Variants in HYCC1 observed in about 807,000 individuals in gnomAD.
HYCC1 encodes hyccin PI4KA lipid kinase complex subunit 1.
chr7:22,932,481 T>C, the HYCC1 span, among the ~76,000 whole-genome samples: 3 of 152,162 alleles, frequency 2.0e-5, no homozygotes, highest in African/African-American at 7.2e-5. Context: ...CCCTTTTTGA[T>C]TGGAAATATC....
chr7:22,960,277 C>T, the HYCC1 span: 2 of 1,613,688 alleles, frequency 1.2e-6, no homozygotes, highest in Middle Eastern at 1.7e-4. Flanking sequence ...CACCTATGAC[C>T]CCTTATTGAC....
chr7:23,002,162 A>ATATACAAT, the HYCC1 span, among the ~76,000 whole-genome samples: 861 of 35,456 alleles, frequency 0.024, 17 homozygotes, highest in African/African-American at 0.085. Context: ...ATATATATAT[A>ATATACAAT]TATATATATA....
At chr7:22,944,283 G>A in the HYCC1 span, 1 of 152,098 alleles carries the variant, frequency 6.6e-6, no homozygotes, top group Non-Finnish European at 1.5e-5. Context: ...TGCTTTACAG[G>A]GGAACCGCAA....
the HYCC1 span, among the ~76,000 whole-genome samples, chr7:23,002,158 A>AAT: frequency 1.8e-5 from 1 of 54,212 alleles, no homozygotes; most frequent in African/African-American, 6.3e-5. Context: ...ATATATATAT[A>AAT]TATATATATA....
chr7:22,975,249 C>T, the HYCC1 span, among the ~76,000 whole-genome samples: 8 of 151,804 alleles, frequency 5.3e-5, no homozygotes, highest in Non-Finnish European at 2.9e-5. Context: ...ATTCACATTA[C>T]CAAAAATTTA....
the HYCC1 span, chr7:22,941,649 A>T: frequency 6.6e-6 from 1 of 152,142 alleles, no homozygotes; most frequent in East Asian, 1.9e-4. Context: ...AAAACACAAA[A>T]ACATCTCCCA....
At chr7:22,974,642 C>G in the HYCC1 span, among the ~76,000 whole-genome samples, 1 of 152,154 alleles carries the variant, frequency 6.6e-6, no homozygotes, top group Admixed American at 6.5e-5. Context: ...GCTTTCTATC[C>G]TATTCAGTAT....
the HYCC1 span, among the ~76,000 whole-genome samples, chr7:22,915,932 T>C: frequency 6.6e-6 from 1 of 152,034 alleles, no homozygotes; most frequent in African/African-American, 2.4e-5. Context: ...CCACACCTCA[T>C]TGTTGCCCTT....
the HYCC1 span, among the ~76,000 whole-genome samples, chr7:23,008,685 AACTAAAT>A: frequency 2.6e-4 from 40 of 152,184 alleles, no homozygotes; most frequent in African/African-American, 7.9e-4. Context: ...AGCCCAATTA[AACTAAAT>A]AGAAAAACCT....
the HYCC1 span, among the ~76,000 whole-genome samples, chr7:22,906,752 C>T: frequency 1.4e-3 from 208 of 152,060 alleles, no homozygotes; most frequent in African/African-American, 4.8e-3. Flanking sequence ...GACTTACAGC[C>T]AAGGTGGACA....
At chr7:23,003,915 T>C in the HYCC1 span, among the ~76,000 whole-genome samples, 42 of 152,320 alleles carry the variant, frequency 2.8e-4, no homozygotes, top group Non-Finnish European at 5.3e-4. Flanking sequence ...AAAATTCTAT[T>C]TGATTCTCCC....
the HYCC1 span, among the ~76,000 whole-genome samples, chr7:22,929,269 A>G: frequency 6.6e-6 from 1 of 152,328 alleles, no homozygotes; most frequent in East Asian, 1.9e-4. Flanking sequence ...ACCATTCAGG[A>G]CATAGGCATG....
the HYCC1 span, among the ~76,000 whole-genome samples, chr7:22,918,536 A>C: frequency 6.6e-6 from 1 of 152,110 alleles, no homozygotes; most frequent in Non-Finnish European, 1.5e-5. Flanking sequence ...TTTCTTATGA[A>C]TATAAGAAGA....
At chr7:23,008,341 T>C in the HYCC1 span, among the ~76,000 whole-genome samples, 1 of 151,844 alleles carries the variant, frequency 6.6e-6, no homozygotes. Flanking sequence ...ACTTGAAAAA[T>C]GGGCAGAACC....
At chr7:22,934,192 C>G in the HYCC1 span, 2 of 144,832 alleles carry the variant, frequency 1.4e-5, no homozygotes, top group African/African-American at 5.1e-5. Context: ...AGCAAGTTTC[C>G]GCCTCTTTTT....
chr7:22,917,336 G>A, the HYCC1 span, among the ~76,000 whole-genome samples: 10 of 152,126 alleles, frequency 6.6e-5, no homozygotes, highest in East Asian at 1.9e-4. Flanking sequence ...CTGCTAGCCC[G>A]CCTCTTAGAA....
the HYCC1 span, among the ~76,000 whole-genome samples, chr7:22,951,228 C>T: frequency 1.6e-4 from 24 of 151,944 alleles, no homozygotes; most frequent in East Asian, 3.9e-3. Flanking sequence ...TTTATTATGT[C>T]ACTTACAAAA....
At chr7:22,905,336 T>C in the HYCC1 span, among the ~76,000 whole-genome samples, 1 of 150,630 alleles carries the variant, frequency 6.6e-6, no homozygotes, top group East Asian at 1.9e-4. Flanking sequence ...TCCCAAGTAG[T>C]GAGTAGCTGG....
chr7:22,940,386 GGAC>G, the HYCC1 span: 4 of 151,526 alleles, frequency 2.6e-5, no homozygotes, highest in African/African-American at 4.9e-5. Flanking sequence ...TGAGTAGCTG[GGAC>G]TACAGGTGCC....
Sources: gnomAD v4.1 joint callset for allele counts (sites outside exome capture counted in the v4.1 genomes callset) on GRCh38, gnomAD v4.1.1 for gene constraint, MANE v1.5 for transcripts, NCBI Gene and HGNC (gene_info 2026-07-23, HGNC 2026-07-21) for gene names.